TRPC4AP: variants seen among roughly 807,000 people sequenced by gnomAD.
The protein encoded by TRPC4AP is transient receptor potential cation channel subfamily C member 4 associated protein.
A neutral mutation model predicts 99.0 loss-of-function variants in TRPC4AP; 45 were observed. That is an observed-to-expected ratio of 0.45 (90% CI 0.36 to 0.58). The LOEUF is 0.58. TRPC4AP is among the 20% of genes least tolerant of loss of function. The probability of loss-of-function intolerance (pLI) is 0.00; values close to 1 mark genes in which losing one functional copy is unlikely to be tolerated. For synonymous variants in TRPC4AP, 408 were observed against 385.8 expected, an observed-to-expected ratio of 1.06 and a Z score of -0.67; for missense variants, 879 against 985.3, an observed-to-expected ratio of 0.89 and a Z score of 1.44.
intron 1 of TRPC4AP, among the ~76,000 whole-genome samples, chr20:35,086,219 A>G (rs1411960992): frequency 6.6e-6 from 1 of 152,060 alleles, no homozygotes; most frequent in African/African-American, 2.4e-5. Context: ...TCGGCCTCCC[A>G]AAGTGCTAGA....
chr20:35,019,092 A>G (rs1312331149), intron 9 of TRPC4AP, among the ~76,000 whole-genome samples: 1 of 152,202 alleles, frequency 6.6e-6, no homozygotes, highest in Admixed American at 6.5e-5. Context: ...ACTTGGCCCA[A>G]CTGCTCATTA....
chr20:35,079,778 A>T (rs2146020705), intron 1 of TRPC4AP, among the ~76,000 whole-genome samples: 1 of 152,128 alleles, frequency 6.6e-6, no homozygotes, highest in East Asian at 1.9e-4. Flanking sequence ...GCACTTTGGG[A>T]GGCTAAGGCG....
rs763483063 is a variant in TRPC4AP, at chr20:35,057,575, T to TA, written c.415-5dup. 3.1e-5 allele frequency: 50 copies of TA among 1,602,856 alleles called. No homozygotes were observed. The East Asian group carries it at 5.1e-4, about 16-fold the overall frequency. The stretch of plus-strand genomic sequence containing the variant: ...TCATAAGAATTTCTACAAGAAGCTA[T>TA]AAAAAAAATTAGATAAAATCTTCAA... On this transcript the variant is annotated splice_polypyrimidine_tract_variant and splice_region_variant and intron_variant, in intron 3 of 18. Coordinates refer to ENST00000252015, the MANE Select transcript of TRPC4AP (RefSeq NM_015638.3).
intron 4 of TRPC4AP, among the ~76,000 whole-genome samples, chr20:35,055,358 GTTTT>G (rs201507668): frequency 2.6e-5 from 4 of 151,714 alleles, no homozygotes; most frequent in African/African-American, 9.7e-5. Context: ...TCTAGGATTT[GTTTT>G]TTTTGTTTTT....
intron 7 of TRPC4AP, among the ~76,000 whole-genome samples, chr20:35,042,982 G>C (rs1442362673): frequency 6.6e-6 from 1 of 151,800 alleles, no homozygotes. Flanking sequence ...GTTTCTTTAG[G>C]CATACCATAT....
At chr20:35,049,799 T>C (rs1012200855) in intron 6 of TRPC4AP, 67 bp downstream of exon 6, 12 of 1,522,916 alleles carry the variant, frequency 7.9e-6, no homozygotes, top group Non-Finnish European at 1.1e-5. Flanking sequence ...TGTATATTAT[T>C]CAGTTTTGAG....
In TRPC4AP at chr20:35,078,140, T is replaced by C. The variant is rs757101403; in HGVS notation, c.203A>G (p.Gln68Arg). Residue 68 changes from glutamine to arginine, a missense_variant, in exon 2 of 19, where the codon CAA becomes CGA. Coordinates refer to ENST00000252015, the MANE Select transcript of TRPC4AP (RefSeq NM_015638.3). ...TETFLTERDK[Q>R]SKWSGIPQLL... The stretch of plus-strand genomic sequence containing the variant: ...CTGAGGAATTCCACTCCACTTGGAT[T>C]GTTTGTCCCTCTCCGTCAAAAAAGT... 1.2e-6 allele frequency: 2 copies of C among 1,613,980 alleles called. No homozygotes were observed. The highest frequency in any genetic ancestry group is 2.2e-5 in the East Asian group (1 of 44,878).
At position 35,062,122 on chromosome 20, in the gene TRPC4AP, G is replaced by C. The variant is rs149596670; in HGVS notation, c.415-4551C>G. Among the ~76,000 whole-genome samples the C allele has an allele frequency of 8.8e-4, 134 of 152,214 alleles. 1 individual carries two copies. In the East Asian group the frequency reaches 0.012, roughly 14 times the overall value. On this transcript the variant is annotated intron_variant, in intron 3 of 18. Transcript: ENST00000252015. Reference sequence around the variant, plus strand: ...TGAGATACCTCTTCATACCTACTACGATGGTTATAATGAAAAAGACAAATA... The same window carrying C: ...TGAGATACCTCTTCATACCTACTACCATGGTTATAATGAAAAAGACAAATA...
chr20:35,062,886 A>C (rs955504279), intron 3 of TRPC4AP, among the ~76,000 whole-genome samples: 1 of 152,244 alleles, frequency 6.6e-6, no homozygotes, highest in South Asian at 2.1e-4. Flanking sequence ...ATTATTTAAA[A>C]CAATAAAACA....
Position 35,051,615 on chromosome 20 carries a change from T to TAA in TRPC4AP, c.529-1623_529-1622dup, listed in dbSNP as rs56666362. ...TTCTTCAGTCGTAGCACTGACACATTAAAAAAAAAAAAAAAAAAGGTTGTT... is the reference window on the plus strand; with the variant it reads ...TTCTTCAGTCGTAGCACTGACACATTAAAAAAAAAAAAAAAAAAAAGGTTGTT... On this transcript the variant is annotated intron_variant, in intron 5 of 18. Transcript: ENST00000252015. 3.7e-3 allele frequency among the ~76,000 whole-genome samples: 424 copies of TAA among 115,382 alleles called. 4 individuals are homozygous for TAA. Among genetic ancestry groups the TAA allele is most frequent in the South Asian group, 0.01 (38 of 3,620 alleles). The allele number at this position is 115,382 out of a possible 152,430, so 75.7% of individuals were successfully genotyped here.
intron 7 of TRPC4AP, among the ~76,000 whole-genome samples, chr20:35,043,285 C>T (rs1196517540): frequency 3.5e-5 from 5 of 144,778 alleles, no homozygotes; most frequent in Non-Finnish European, 7.5e-5. Flanking sequence ...CTAATTATGT[C>T]GCCCAGGCTG....
At chr20:35,064,943 T>C (rs756632554) in intron 3 of TRPC4AP, among the ~76,000 whole-genome samples, 1 of 152,216 alleles carries the variant, frequency 6.6e-6, no homozygotes, top group Non-Finnish European at 1.5e-5. Flanking sequence ...ACAAGCTTTA[T>C]CTCATTTTGA....
intron 2 of TRPC4AP, among the ~76,000 whole-genome samples, chr20:35,072,170 T>C (rs866425377): frequency 3.9e-4 from 59 of 152,348 alleles, no homozygotes; most frequent in Admixed American, 9.8e-4. Flanking sequence ...CTTTGTAGAT[T>C]CTGGATATTA....
intron 5 of TRPC4AP, among the ~76,000 whole-genome samples, chr20:35,052,087 GT>G (rs1321539020): frequency 6.8e-6 from 1 of 146,368 alleles, no homozygotes; most frequent in East Asian, 2.0e-4. Flanking sequence ...TTCATCATAG[GT>G]TTTTTTTTGG....
intron 8 of TRPC4AP, among the ~76,000 whole-genome samples, chr20:35,023,966 GCAATGGCCAGA>G (rs1316065091): frequency 1.3e-5 from 2 of 152,330 alleles, no homozygotes; most frequent in Non-Finnish European, 1.5e-5. Context: ...AGTCTCCAAA[GCAATGGCCAGA>G]GCTTAGCAAC....
At chr20:35,029,065 T>C (rs537458521) in intron 8 of TRPC4AP, among the ~76,000 whole-genome samples, 1 of 152,142 alleles carries the variant, frequency 6.6e-6, no homozygotes, top group African/African-American at 2.4e-5. Context: ...CTGGCCAACA[T>C]GCTGAAACCC....
In TRPC4AP at chr20:35,003,094, T is replaced by C; in HGVS notation, c.*52A>G. ...GAACAGGGCAGGGCGTGTGGCATCGTACCCACGCTCACCCACACTGGCCCA... is the reference window on the plus strand; with the variant it reads ...GAACAGGGCAGGGCGTGTGGCATCGCACCCACGCTCACCCACACTGGCCCA... On this transcript the variant is annotated 3_prime_UTR_variant, in exon 19 of 19. Coordinates refer to ENST00000252015, the MANE Select transcript of TRPC4AP (RefSeq NM_015638.3). 1.9e-6 allele frequency: 3 copies of C among 1,608,046 alleles called. No homozygotes were observed. Among genetic ancestry groups the C allele is most frequent in the Non-Finnish European group, 2.5e-6 (3 of 1,176,878 alleles).
At chr20:35,083,081 T>C (rs1391829229) in intron 1 of TRPC4AP, among the ~76,000 whole-genome samples, 1 of 152,140 alleles carries the variant, frequency 6.6e-6, no homozygotes, top group Non-Finnish European at 1.5e-5. Flanking sequence ...TTGCAGATGA[T>C]ATAATATTCA....
At chr20:35,009,091 G>C (rs982774392) in intron 12 of TRPC4AP, among the ~76,000 whole-genome samples, 11 of 152,208 alleles carry the variant, frequency 7.2e-5, no homozygotes, top group Non-Finnish European at 1.5e-4. Flanking sequence ...TCTGCCAATA[G>C]GGTGAGGCCC....
Sources: allele counts gnomAD v4.1 joint callset (sites outside exome capture counted in the v4.1 genomes callset), GRCh38; gene constraint gnomAD v4.1.1; transcripts MANE v1.5; gene names NCBI Gene and HGNC (gene_info 2026-07-23, HGNC 2026-07-21).